Variants in NUP210L observed in about 807,000 individuals in gnomAD.
The protein encoded by NUP210L is nucleoporin 210 like.
NUP210L carries 74 observed loss-of-function variants against 208.5 expected under a neutral mutation model. The ratio of observed to expected loss-of-function variants is 0.35; its 90% CI spans 0.29 to 0.43. NUP210L has a LOEUF of 0.43. Among genes scored for constraint, NUP210L ranks in the 20% least tolerant of loss-of-function variants. The pLI, the probability that NUP210L is intolerant of heterozygous loss-of-function variation, is 1.00. For synonymous variants in NUP210L, 780 were observed against 816.9 expected (o/e 0.95, Z 0.77); for missense variants, 1,843 against 2,289.4 (o/e 0.81, Z 3.98).
chr1:154,026,107 T>C (rs1022339543), intron 29 of NUP210L, among the ~76,000 whole-genome samples: 1 of 149,506 alleles, frequency 6.7e-6, no homozygotes, highest in African/African-American at 2.4e-5. Context: ...TGATGGCGGG[T>C]GCCTGTAATC....
At chr1:154,124,432 T>C (rs1657780027) in intron 10 of NUP210L, among the ~76,000 whole-genome samples, 2 of 152,226 alleles carry the variant, frequency 1.3e-5, no homozygotes, top group Admixed American at 6.5e-5. Context: ...AGGATACTTA[T>C]GTATTTTGGA....
intron 4 of NUP210L, among the ~76,000 whole-genome samples, chr1:154,141,050 G>A (rs948558645): frequency 2.6e-5 from 4 of 151,154 alleles, no homozygotes; most frequent in Non-Finnish European, 5.9e-5. Flanking sequence ...TAAAATTGTG[G>A]TGGGAGTAAA....
At chr1:154,028,233 ACT>A (rs370017177) in intron 28 of NUP210L, among the ~76,000 whole-genome samples, 4 of 152,186 alleles carry the variant, frequency 2.6e-5, no homozygotes, top group African/African-American at 9.7e-5. Flanking sequence ...AACTATTCAT[ACT>A]CTTACACCTT....
intron 14 of NUP210L, among the ~76,000 whole-genome samples, chr1:154,097,692 T>C (rs1161952295): frequency 1.3e-5 from 2 of 152,314 alleles, no homozygotes; most frequent in East Asian, 3.9e-4. Flanking sequence ...CTTTCATTAG[T>C]GTTAACATTT....
intron 7 of NUP210L, among the ~76,000 whole-genome samples, chr1:154,130,304 A>C (rs1658178123): frequency 1.3e-5 from 2 of 151,924 alleles, no homozygotes; most frequent in African/African-American, 4.8e-5. Context: ...GCGCCATTGC[A>C]CTCTGTCACC....
exon 29 of NUP210L, chr1:154,027,553 C>T (rs1377659921): frequency 1.9e-6 from 3 of 1,613,798 alleles, no homozygotes; most frequent in Non-Finnish European, 2.5e-6. Context: ...TCAGAATCTG[C>T]TCTGGTTGGC....
At position 154,106,858 on chromosome 1, in the gene NUP210L, C is replaced by T. The variant is rs578256671; in HGVS notation, c.1621-2648G>A. On this transcript the variant is annotated intron_variant, in intron 12 of 39. Coordinates refer to ENST00000368559, the Ensembl canonical transcript of NUP210L. ...CTGCAGTGACCAAAGACTTAGATCA[C>T]GACACTCAATTCTCTTTGAATACTT... is the stretch of plus-strand genomic sequence containing the variant. Among the ~76,000 whole-genome samples, 8 of 152,304 alleles carry T rather than the reference C, an allele frequency of 5.3e-5. No homozygotes were observed. In the East Asian group the frequency reaches 7.7e-4, roughly 15 times the overall value.
At chr1:153,996,021 G>A (rs551982354) in intron 37 of NUP210L, 3 of 372,456 alleles carry the variant, frequency 8.1e-6, no homozygotes, top group Non-Finnish European at 1.6e-5. Flanking sequence ...GGCCTGGCGT[G>A]GTGGCTCACA....
chr1:153,999,734 C>CAAAAA (rs1172554188), intron 37 of NUP210L, among the ~76,000 whole-genome samples: 5 of 54,604 alleles, frequency 9.2e-5, no homozygotes, highest in African/African-American at 2.1e-4. Context: ...AAGACTCTCT[C>CAAAAA]AAAAAAAAAA....
At chr1:154,047,051 T>C (rs1235847940) in intron 25 of NUP210L, among the ~76,000 whole-genome samples, 2 of 150,720 alleles carry the variant, frequency 1.3e-5, no homozygotes, top group African/African-American at 4.9e-5. Context: ...AGAGCGAAAC[T>C]CCGACTCAAA....
intron 31 of NUP210L, among the ~76,000 whole-genome samples, chr1:154,022,566 A>C (rs1281931984): frequency 6.6e-6 from 1 of 151,810 alleles, no homozygotes; most frequent in Non-Finnish European, 1.5e-5. Context: ...TTTGATAATA[A>C]TACTCCAGTT....
intron 27 of NUP210L, among the ~76,000 whole-genome samples, chr1:154,042,190 C>T (rs1266777966): frequency 6.6e-6 from 1 of 151,844 alleles, no homozygotes; most frequent in African/African-American, 2.4e-5. Flanking sequence ...GCCTTCACCT[C>T]CCGGGCTCAG....
intron 24 of NUP210L, 39 bp from the exon 25 acceptor site, chr1:154,054,446 G>A: frequency 1.3e-6 from 2 of 1,581,996 alleles, no homozygotes; most frequent in Non-Finnish European, 1.7e-6. Flanking sequence ...TAGAACATGA[G>A]GGAGAAATCA....
chr1:154,152,815 C>A (rs1448286187), exon 2 of NUP210L: 2 of 1,613,896 alleles, frequency 1.2e-6, no homozygotes, highest in Non-Finnish European at 1.7e-6. Flanking sequence ...TTTGGGAACA[C>A]AAGGTGCCAT....
intron 29 of NUP210L, among the ~76,000 whole-genome samples, chr1:154,026,739 A>G (rs1295907928): frequency 6.6e-6 from 1 of 152,208 alleles, no homozygotes; most frequent in Non-Finnish European, 1.5e-5. Flanking sequence ...AGAAGTACTG[A>G]TACATGCTAC....
At chr1:154,056,409 T>G (rs145955302) in intron 23 of NUP210L, among the ~76,000 whole-genome samples, 1 of 152,126 alleles carries the variant, frequency 6.6e-6, no homozygotes, top group African/African-American at 2.4e-5. Flanking sequence ...CATCCTTTTT[T>G]TCAGTCAAAT....
chr1:154,071,937 T>G (rs1241348783), intron 16 of NUP210L, among the ~76,000 whole-genome samples: 1 of 151,806 alleles, frequency 6.6e-6, no homozygotes, highest in African/African-American at 2.4e-5. Flanking sequence ...CGTCTGGCCC[T>G]AATTCATTCC....
chr1:154,108,038 A>C (rs1656857230), intron 12 of NUP210L, among the ~76,000 whole-genome samples: 1 of 152,242 alleles, frequency 6.6e-6, no homozygotes, highest in South Asian at 2.1e-4. Context: ...AAAGACTAAA[A>C]GAAGAACCTA....
rs1418175667 is a variant in NUP210L at position 154,094,927 on chromosome 1, T to A, written c.2187+8A>T. The A allele has an allele frequency of 6.2e-7, 1 of 1,606,796 alleles. No homozygotes were observed. The highest frequency in any genetic ancestry group is 8.5e-7 in the Non-Finnish European group (1 of 1,173,604). On this transcript the variant is annotated splice_region_variant and intron_variant, in intron 15 of 39. Coordinates refer to ENST00000368559, the Ensembl canonical transcript of NUP210L. The stretch of plus-strand genomic sequence containing the variant: ...TAAAGAAAATGTTATAAAAAACTGT[T>A]TTCCTACTTGTTCCCCTAAATCCAG...
Sources: gnomAD v4.1 joint callset for allele counts (sites outside exome capture counted in the v4.1 genomes callset) on GRCh38, gnomAD v4.1.1 for gene constraint, MANE v1.5 for transcripts, NCBI Gene and HGNC (gene_info 2026-07-23, HGNC 2026-07-21) for gene names.